MYO3A: variants seen among roughly 807,000 people sequenced by gnomAD.
The protein encoded by MYO3A is myosin IIIA.
A neutral mutation model predicts 192.7 loss-of-function variants in MYO3A; 180 were observed. The observed-to-expected ratio is 0.93, with a 90% CI of 0.83 to 1.06. The LOEUF is 1.06. MYO3A is among the 50% of genes least tolerant of loss of function. The pLI, the probability that MYO3A is intolerant of heterozygous loss-of-function variation, is 0.00. For missense variants in MYO3A, 1,896 were observed against 1,905.0 expected (o/e 1.00, Z 0.09); for synonymous variants, 628 against 645.3 (o/e 0.97, Z 0.41).
intron 4 of MYO3A, among the ~76,000 whole-genome samples, chr10:25,965,040 C>T (rs1453556793): frequency 2.6e-5 from 4 of 152,102 alleles, no homozygotes; most frequent in Non-Finnish European, 4.4e-5. Context: ...TTATGTATCC[C>T]TGACCTTTGG....
At chr10:26,172,041 T>C (rs1271203017) in intron 29 of MYO3A, among the ~76,000 whole-genome samples, 9 of 152,098 alleles carry the variant, frequency 5.9e-5, no homozygotes, top group Non-Finnish European at 1.3e-4. Context: ...GAATTTGACA[T>C]TGATTGGGCT....
At chr10:25,971,473 A>G (rs1838640793) in intron 4 of MYO3A, among the ~76,000 whole-genome samples, 1 of 132,194 alleles carries the variant, frequency 7.6e-6, no homozygotes, top group Admixed American at 7.5e-5. Context: ...CCAGATCACT[A>G]TGTGAGATCA....
At chr10:25,997,360 G>T (rs935674399) in intron 6 of MYO3A, 102 bp downstream of exon 6, 1 of 911,588 alleles carries the variant, frequency 1.1e-6, no homozygotes, top group Non-Finnish European at 1.8e-6. Context: ...ATTGGAAATA[G>T]AGGAAAAATC....
chr10:26,182,668 A>G (rs763590594), intron 31 of MYO3A, among the ~76,000 whole-genome samples: 3 of 152,228 alleles, frequency 2.0e-5, no homozygotes, highest in Non-Finnish European at 4.4e-5. Context: ...TTTTTAAATA[A>G]ATGAATACCC....
intron 6 of MYO3A, among the ~76,000 whole-genome samples, chr10:26,007,188 A>G (rs1841283809): frequency 1.3e-5 from 2 of 149,278 alleles, no homozygotes; most frequent in Non-Finnish European, 1.5e-5. Context: ...ACAGCCCTTC[A>G]TGCTAAAAAC....
chr10:26,165,863 C>A (rs890926853), intron 26 of MYO3A: 14 of 622,682 alleles, frequency 2.2e-5, no homozygotes, highest in Non-Finnish European at 3.7e-5. Context: ...ACACAATGCT[C>A]AAATTTATAC....
chr10:25,952,664 G>A (rs566622205), intron 3 of MYO3A, among the ~76,000 whole-genome samples: 12 of 152,092 alleles, frequency 7.9e-5, no homozygotes, highest in African/African-American at 2.7e-4. Flanking sequence ...GGCTTCAGGA[G>A]GTATTTCTCT....
intron 10 of MYO3A, among the ~76,000 whole-genome samples, chr10:26,045,366 T>TTAGATAGATAGATGGA (rs1302019473): frequency 0.017 from 2,491 of 142,696 alleles, 21 homozygotes; most frequent in Non-Finnish European, 0.02. Flanking sequence ...ATGGGTGGCA[T>TTAGATAGATAGATGGA]TAGATAGATA....
chr10:26,183,140 C>T (rs1244090183), intron 31 of MYO3A, among the ~76,000 whole-genome samples: 15 of 152,170 alleles, frequency 9.9e-5, no homozygotes, highest in Non-Finnish European at 1.6e-4. Context: ...ACCCCCCACA[C>T]AGGCTGCTTT....
At chr10:26,120,927 T>A (rs1448757579) in intron 18 of MYO3A, 125 bp downstream of exon 18, 1 of 1,238,598 alleles carries the variant, frequency 8.1e-7, no homozygotes, top group Non-Finnish European at 1.1e-6. Flanking sequence ...ATACTCAGAT[T>A]TAATGTGTGT....
At chr10:26,056,125 A>ATG (rs1176197866) in intron 10 of MYO3A, among the ~76,000 whole-genome samples, 1 of 152,204 alleles carries the variant, frequency 6.6e-6, no homozygotes. Flanking sequence ...CAGATGGGCA[A>ATG]TGTAAGTAGA....
intron 34 of MYO3A, among the ~76,000 whole-genome samples, chr10:26,209,307 T>A (rs1439247053): frequency 2.0e-5 from 3 of 152,168 alleles, no homozygotes; most frequent in African/African-American, 4.8e-5. Context: ...ACCTTGAATG[T>A]TTGTTCTCTT....
chr10:26,114,858 T>C (rs547653318), intron 17 of MYO3A, among the ~76,000 whole-genome samples: 1 of 152,246 alleles, frequency 6.6e-6, no homozygotes, highest in East Asian at 1.9e-4. Flanking sequence ...CAATAAAATG[T>C]AGTAAATTCT....
intron 4 of MYO3A, among the ~76,000 whole-genome samples, chr10:25,967,210 A>G (rs1253791889): frequency 6.6e-6 from 1 of 152,266 alleles, no homozygotes. Flanking sequence ...AGATATATGT[A>G]GAGTGTGACT....
rs1838644200 is a variant in MYO3A at position 25,971,519 on chromosome 10, C to T, written c.303+16511C>T. ...TTCTAAAAAATTTCCTTTAGTATTT[C>T]TAATAAGTTGGTTCTGCTAACAGTG... On this transcript the variant is annotated intron_variant, in intron 4 of 34. Transcript: ENST00000642920. 2.0e-5 allele frequency among the ~76,000 whole-genome samples: 3 copies of T among 152,008 alleles called. No individual in the cohort carries two copies. In the South Asian group the frequency reaches 6.2e-4, roughly 31 times the overall value.
chr10:26,180,545 A>G (rs1424449655), intron 31 of MYO3A, among the ~76,000 whole-genome samples: 3 of 152,230 alleles, frequency 2.0e-5, no homozygotes, highest in African/African-American at 7.2e-5. Context: ...TTCAAAAAGC[A>G]TAACTATCAA....
chr10:26,167,642 T>A (rs1235412091), intron 27 of MYO3A, among the ~76,000 whole-genome samples: 1 of 152,250 alleles, frequency 6.6e-6, no homozygotes, highest in African/African-American at 2.4e-5. Flanking sequence ...ACATTTCTAA[T>A]GTCATGCAAA....
Position 26,203,019 on chromosome 10 carries a change from C to T in MYO3A, c.4642C>T (p.Arg1548Cys), listed in dbSNP as rs758303822. 7.4e-6 allele frequency: 12 copies of T among 1,613,620 alleles called. No individual in the cohort carries two copies. Among genetic ancestry groups the T allele is most frequent in the South Asian group, 3.3e-5 (3 of 91,036 alleles). ...DFYYKEFLPS[R>C]SGPKEHSPSL... ...CTATTATAAGGAATTTTTGCCCAGTCGTTCTGGACCAAAGGAACATAGCCC... is the reference window on the plus strand; with the variant it reads ...CTATTATAAGGAATTTTTGCCCAGTTGTTCTGGACCAAAGGAACATAGCCC... Residue 1548 changes from arginine (R) to cysteine (C), a missense_variant, in exon 34 of 35, where the codon CGT becomes TGT. Transcript: ENST00000642920.
At chr10:26,181,740 C>A (rs1589093010) in intron 31 of MYO3A, among the ~76,000 whole-genome samples, 3 of 138,584 alleles carry the variant, frequency 2.2e-5, no homozygotes, top group South Asian at 2.4e-4. Context: ...ATGGCAGTGT[C>A]AACATTTTGA....
Sources: allele counts gnomAD v4.1 joint callset (sites outside exome capture counted in the v4.1 genomes callset), GRCh38; gene constraint gnomAD v4.1.1; transcripts MANE v1.5; gene names NCBI Gene and HGNC (gene_info 2026-07-23, HGNC 2026-07-21).